GSAP: variants seen among roughly 807,000 people sequenced by gnomAD.
The protein encoded by GSAP is gamma-secretase activating protein.
In GSAP, 118 loss-of-function variants were observed where a neutral mutation model predicts 131.7. That is an observed-to-expected ratio of 0.90 (90% CI 0.77 to 1.04). The LOEUF is 1.04. GSAP is among the 50% of genes least tolerant of loss of function. The pLI is 0.00. For synonymous variants in GSAP, 381 were observed against 363.4 expected (o/e 1.05, Z -0.55); for missense variants, 1,019 against 1,013.2 (o/e 1.01, Z -0.08).
At chr7:77,344,704 G>A (rs563072016) in intron 19 of GSAP, among the ~76,000 whole-genome samples, 3 of 152,010 alleles carry the variant, frequency 2.0e-5, no homozygotes, top group Non-Finnish European at 4.4e-5. Context: ...CTTTGCTGAC[G>A]GGGTACACTC....
At chr7:77,318,826 G>T (rs1787220191) in intron 26 of GSAP, among the ~76,000 whole-genome samples, 2 of 147,370 alleles carry the variant, frequency 1.4e-5, no homozygotes, top group African/African-American at 5.0e-5. Flanking sequence ...GACATCCAAA[G>T]CACAAACAAT....
At chr7:77,391,432 C>G (rs1488332689) in intron 5 of GSAP, among the ~76,000 whole-genome samples, 1 of 152,166 alleles carries the variant, frequency 6.6e-6, no homozygotes. Context: ...AATTAAGATT[C>G]TAGAGACATC....
intron 1 of GSAP, among the ~76,000 whole-genome samples, chr7:77,411,966 G>C (rs1044878797): frequency 6.6e-6 from 1 of 152,160 alleles, no homozygotes; most frequent in Non-Finnish European, 1.5e-5. Flanking sequence ...ATCACCTGAG[G>C]TCAAGAGTTC....
intron 10 of GSAP, 109 bp from the exon 11 acceptor site, chr7:77,375,210 A>G: frequency 1.6e-6 from 1 of 621,518 alleles, no homozygotes. Flanking sequence ...TTGCCTAATA[A>G]TGATATTTAA....
At chr7:77,328,505 T>TG (rs1788636266) in intron 22 of GSAP, 101 bp downstream of exon 22, 3 of 1,527,634 alleles carry the variant, frequency 2.0e-6, no homozygotes, top group Non-Finnish European at 2.6e-6. Flanking sequence ...ACCACACTAC[T>TG]GGAAGTGATT....
chr7:77,368,153 G>A (rs1367630473), intron 12 of GSAP, among the ~76,000 whole-genome samples: 1 of 152,144 alleles, frequency 6.6e-6, no homozygotes, highest in African/African-American at 2.4e-5. Context: ...CCTGGGTGGT[G>A]GAAGTTCCCC....
intron 28 of GSAP, 46 bp downstream of exon 28, chr7:77,313,442 G>A: frequency 1.1e-6 from 1 of 942,054 alleles, no homozygotes; most frequent in East Asian, 2.4e-5. Context: ...TTGAAGGAGG[G>A]TAATGCCAAA....
Position 77,355,513 on chromosome 7 carries a change from C to T in GSAP, c.1120+42G>A. 2 of 1,524,530 alleles carry T rather than the reference C, an allele frequency of 1.3e-6. 1 individual carries two copies. Among genetic ancestry groups the T allele is most frequent in the South Asian group, 2.3e-5 (2 of 86,822 alleles). 94.4% of individuals were successfully genotyped at this position (1,524,530 alleles called of 1,614,324 possible). ...ACATAGATATTAAAGTCAAAACAAA[C>T]TCAAATGGGCCACCTCTACAAGAGA... is the stretch of plus-strand genomic sequence containing the variant. On this transcript the variant is annotated intron_variant, in intron 15 of 30. Coordinates refer to ENST00000257626, the MANE Select transcript of GSAP (RefSeq NM_017439.4).
rs147676338 is a variant in GSAP, at chr7:77,391,188, T to A, written c.368-3740A>T. On this transcript the variant is annotated intron_variant, in intron 5 of 30. Transcript: ENST00000257626. ...TAACCATATATTTGGCTTTTTTTTT[T>A]AAGCAGGAATTTGTACCCAAAGGAG... Among the ~76,000 whole-genome samples, 347 of 150,902 alleles carry A rather than the reference T, an allele frequency of 2.3e-3. 4 individuals are homozygous for A. The highest frequency in any genetic ancestry group is 7.3e-3 in the African/African-American group (299 of 41,162).
At chr7:77,340,734 T>C (rs2150755017) in intron 19 of GSAP, among the ~76,000 whole-genome samples, 1 of 152,316 alleles carries the variant, frequency 6.6e-6, no homozygotes, top group East Asian at 1.9e-4. Context: ...CACACTCCAT[T>C]GGTGTCTGAT....
At chr7:77,389,095 T>C (rs572520320) in intron 5 of GSAP, among the ~76,000 whole-genome samples, 1 of 152,192 alleles carries the variant, frequency 6.6e-6, no homozygotes, top group Admixed American at 6.5e-5. Flanking sequence ...AAAAATAGAA[T>C]AGAAATGCTC....
chr7:77,323,421 G>A (rs1221241850), intron 24 of GSAP, among the ~76,000 whole-genome samples: 1 of 152,190 alleles, frequency 6.6e-6, no homozygotes, highest in African/African-American at 2.4e-5. Context: ...TATATAATCA[G>A]TATTTGAAGG....
At chr7:77,386,486 CA>C (rs978429354) in intron 6 of GSAP, among the ~76,000 whole-genome samples, 1 of 152,150 alleles carries the variant, frequency 6.6e-6, no homozygotes, top group African/African-American at 2.4e-5. Context: ...TGTTTGTCAA[CA>C]GATCAGTATA....
At chr7:77,344,772 G>C (rs1196611527) in intron 19 of GSAP, among the ~76,000 whole-genome samples, 3 of 151,992 alleles carry the variant, frequency 2.0e-5, no homozygotes, top group African/African-American at 7.3e-5. Context: ...TATTATTCTT[G>C]TTCCCATTCT....
At chr7:77,350,978 T>A (rs529890372) in intron 18 of GSAP, 20 of 294,896 alleles carry the variant, frequency 6.8e-5, no homozygotes, top group Non-Finnish European at 9.0e-5. Context: ...TTCATTTCCT[T>A]AAAAAAAAGT....
chr7:77,328,584 T>C lies in GSAP; in HGVS notation c.1765+22A>G, dbSNP rs543101712. 1.1e-5 allele frequency: 17 copies of C among 1,607,118 alleles called. No homozygotes were observed. In the East Asian group the frequency reaches 2.0e-4, roughly 19 times the overall value. On this transcript the variant is annotated intron_variant, in intron 22 of 30. Coordinates refer to ENST00000257626, the MANE Select transcript of GSAP (RefSeq NM_017439.4). ...AAACACTGACTGGAACCCAGAAGGCTTTATTACAGATCTTTTCTTACCCAA... is the reference window on the plus strand; with the variant it reads ...AAACACTGACTGGAACCCAGAAGGCCTTATTACAGATCTTTTCTTACCCAA...
chr7:77,331,333 G>A (rs1789128280), intron 19 of GSAP, among the ~76,000 whole-genome samples: 1 of 152,150 alleles, frequency 6.6e-6, no homozygotes, highest in Non-Finnish European at 1.5e-5. Flanking sequence ...TACATTCTTA[G>A]TGTTGAAGGA....
chr7:77,416,505 G>T (rs530227329), upstream of GSAP: 74 of 410,866 alleles, frequency 1.8e-4, no homozygotes, highest in Admixed American at 1.8e-3. Flanking sequence ...CCCGGCCGGC[G>T]GCCCGCACCT....
rs759145937 is a variant in GSAP at position 77,375,035 on chromosome 7, G to A, written c.785+23C>T. On this transcript the variant is annotated intron_variant, in intron 11 of 30. Coordinates refer to ENST00000257626, the MANE Select transcript of GSAP (RefSeq NM_017439.4). ...TGCCCACAAGTATCTATAAAAATTA[G>A]TAACAACCTATGAATAACTTACTTA... 6 of 1,186,350 alleles carry A rather than the reference G, an allele frequency of 5.1e-6. No homozygotes were observed. In the East Asian group the frequency reaches 7.2e-5, roughly 14 times the overall value. 73.5% of individuals were successfully genotyped at this position (1,186,350 alleles called of 1,614,324 possible).
Sources: allele counts gnomAD v4.1 joint callset (sites outside exome capture counted in the v4.1 genomes callset), GRCh38; gene constraint gnomAD v4.1.1; transcripts MANE v1.5; gene names NCBI Gene and HGNC (gene_info 2026-07-23, HGNC 2026-07-21).